The following COA8 variants were observed in gnomAD, a reference collection of about 807,000 sequenced individuals.
The protein encoded by COA8 is cytochrome c oxidase assembly factor 8.
In COA8, 20 loss-of-function variants were observed where a neutral mutation model predicts 22.0. The ratio of observed to expected loss-of-function variants is 0.91; its 90% CI spans 0.64 to 1.32. COA8 has a LOEUF of 1.32. COA8 is among the 40% of genes most tolerant of loss of function. COA8 has a pLI of 0.00. For synonymous variants in COA8, 105 were observed against 79.9 expected (o/e 1.31, Z -1.68); for missense variants, 266 against 230.0 (o/e 1.16, Z -1.01).
intron 3 of COA8, among the ~76,000 whole-genome samples, chr14:103,577,082 AT>A (rs1397765390): frequency 1.3e-5 from 2 of 152,120 alleles, no homozygotes; most frequent in Admixed American, 6.6e-5. Flanking sequence ...ATATTTGTTT[AT>A]TTTTTTGAGA....
rs561702478 is a variant in COA8, at chr14:103,564,571, C to CTTTTTT, written c.123+1468_123+1473dup. Among the ~76,000 whole-genome samples the CTTTTTT allele has an allele frequency of 1.6e-4, 15 of 91,474 alleles. 3 individuals carry two copies. Among genetic ancestry groups the CTTTTTT allele is most frequent in the Admixed American group, 1.2e-4 (1 of 8,692 alleles). 60.0% of individuals were successfully genotyped at this position (91,474 alleles called of 152,430 possible). A position where few individuals can be genotyped will look rare whatever the true frequency, so the allele number is the denominator to read the frequency against. ...GATTTCTCTATTGTCATATACACTT[C>CTTTTTT]TTTTTTTTTTTTTTTTTTTTTTTTT... On this transcript the variant is annotated intron_variant, in intron 1 of 4. Transcript: ENST00000409074.
Position 103,562,994 on chromosome 14 carries a change from G to A in COA8, c.-8G>A, listed in dbSNP as rs1301344977. The A allele has an allele frequency of 1.3e-6, 2 of 1,549,676 alleles. No homozygotes were observed. Among genetic ancestry groups the A allele is most frequent in the South Asian group, 1.2e-5 (1 of 85,838 alleles). Reference sequence around the variant, plus strand: ...CCGTGCGCCGCGGGAGCCAGGGGGCGTGGGGCCATGGTGGTCTTGCGGGCG... The same window carrying A: ...CCGTGCGCCGCGGGAGCCAGGGGGCATGGGGCCATGGTGGTCTTGCGGGCG... On this transcript the variant is annotated 5_prime_UTR_variant, in exon 1 of 5. It adds an upstream start codon to the 5' untranslated region. Transcript: ENST00000409074.
chr14:103,571,197 C>T (rs1486090322), intron 1 of COA8, among the ~76,000 whole-genome samples: 2 of 152,070 alleles, frequency 1.3e-5, no homozygotes, highest in Non-Finnish European at 2.9e-5. Context: ...GAAACCCCAT[C>T]TCCACTAAAA....
At chr14:103,574,304 C>A in intron 3 of COA8, 134 bp downstream of exon 3, 2 of 1,191,432 alleles carry the variant, frequency 1.7e-6, no homozygotes, top group Non-Finnish European at 2.5e-6. Flanking sequence ...CAGTGCTCGG[C>A]ACACCCCTGT....
At chr14:103,565,473 C>T (rs1395866418) in intron 1 of COA8, among the ~76,000 whole-genome samples, 2 of 151,996 alleles carry the variant, frequency 1.3e-5, no homozygotes, top group Non-Finnish European at 2.9e-5. Context: ...AACTTGTTTG[C>T]ACGTAAGAAT....
intron 1 of COA8, 83 bp downstream of exon 1, chr14:103,563,207 C>G (rs959448673): frequency 6.7e-6 from 10 of 1,497,918 alleles, no homozygotes; most frequent in Non-Finnish European, 8.1e-6. Context: ...ACTCCCTGTT[C>G]TGCACAGCCG....
At chr14:103,576,993 T>C (rs1342764157) in intron 3 of COA8, among the ~76,000 whole-genome samples, 1 of 152,096 alleles carries the variant, frequency 6.6e-6, no homozygotes, top group African/African-American at 2.4e-5. Context: ...CCACAAATAC[T>C]CAGAAATAAC....
intron 2 of COA8, 50 bp from the exon 3 acceptor site, chr14:103,574,057 A>G (rs763402953): frequency 8.6e-6 from 13 of 1,514,208 alleles, no homozygotes; most frequent in Middle Eastern, 2.3e-4. Context: ...ATGGAAAGAC[A>G]GAGAAAGGAG....
chr14:103,578,407 A>G (rs145212592), intron 3 of COA8, among the ~76,000 whole-genome samples: 1 of 152,362 alleles, frequency 6.6e-6, no homozygotes, highest in East Asian at 1.9e-4. Context: ...AAGCAGCAGA[A>G]TACTGTGATT....
At position 103,581,729 on chromosome 14, in the gene COA8, A is replaced by G; in HGVS notation, c.386-5545A>G. The G allele has an allele frequency of 2.5e-6, 1 of 397,958 alleles. No individual in the cohort carries two copies. The highest frequency in any genetic ancestry group is 2.1e-5 in the African/African-American group (1 of 48,742). 24.7% of individuals were successfully genotyped at this position (397,958 alleles called of 1,614,324 possible). A position where few individuals can be genotyped will look rare whatever the true frequency, so the allele number is the denominator to read the frequency against. ...GTAGGAAATGGCAGAACTGAAGGGA[A>G]AAGCAGAGCAGGGGGCTGTAGAGTT... On this transcript the variant is annotated intron_variant, in intron 3 of 4. Coordinates refer to ENST00000409074, the MANE Select transcript of COA8 (RefSeq NM_001370595.2). The surrounding 1 kb of genome is among the most constrained non-coding windows in gnomAD (Gnocchi z 4.1).
At position 103,587,297 on chromosome 14, in the gene COA8, G is replaced by C. The variant is rs758818892; in HGVS notation, c.409G>C (p.Glu137Gln). 3.8e-5 allele frequency: 62 copies of C among 1,613,488 alleles called. 1 individual carries two copies. In the Middle Eastern group the frequency reaches 6.6e-4, roughly 17 times the overall value. ...AGGTCAGAAAGCAACATTGAATGCA[G>C]AAGAAATGGCGGACTTCTACAAGGA... ...ESGQKATLNAEEMADFYKEFL... is the reference protein window; with the variant it reads ...ESGQKATLNAQEMADFYKEFL... The change falls in exon 4 of 5, where the codon GAA (glutamate) becomes CAA (glutamine). Residue 137 changes from glutamate to glutamine, a missense_variant. Glu to Gln is a conservative substitution (Grantham distance 29). Coordinates refer to ENST00000409074, the MANE Select transcript of COA8 (RefSeq NM_001370595.2).
chr14:103,573,983 T>C, intron 2 of COA8, 124 bp from the exon 3 acceptor site: 1 of 1,259,866 alleles, frequency 7.9e-7, no homozygotes, highest in Non-Finnish European at 1.1e-6. Flanking sequence ...GGTCACTAGC[T>C]TCTCAGAAAA....
At chr14:103,566,016 A>G (rs1168236583) in intron 1 of COA8, among the ~76,000 whole-genome samples, 1 of 152,160 alleles carries the variant, frequency 6.6e-6, no homozygotes, top group Non-Finnish European at 1.5e-5. Flanking sequence ...GACTGGTAGA[A>G]CCTACAAGTC....
intron 1 of COA8, among the ~76,000 whole-genome samples, chr14:103,568,021 G>A (rs919584153): frequency 2.6e-5 from 4 of 152,136 alleles, no homozygotes; most frequent in Non-Finnish European, 5.9e-5. Context: ...ATGTAGAATA[G>A]GGGGCTGGGG....
intron 4 of COA8, among the ~76,000 whole-genome samples, chr14:103,588,721 GTA>G (rs1458200470): frequency 6.6e-6 from 1 of 151,894 alleles, no homozygotes; most frequent in African/African-American, 2.4e-5. Context: ...GTGTGCACCT[GTA>G]ATCCCAGCTA....
chr14:103,572,440 A>G (rs2076194822), intron 2 of COA8, among the ~76,000 whole-genome samples: 1 of 152,096 alleles, frequency 6.6e-6, no homozygotes, highest in Admixed American at 6.5e-5. Context: ...TTATGAGAAT[A>G]CCGGTTTTTT....
At chr14:103,585,449 A>C (rs929146814) in intron 3 of COA8, among the ~76,000 whole-genome samples, 7 of 147,304 alleles carry the variant, frequency 4.8e-5, no homozygotes, top group Non-Finnish European at 1.0e-4. Flanking sequence ...ATTGCACTCC[A>C]GCCTGGGCAA....
At chr14:103,568,927 C>T (rs764206786) in intron 1 of COA8, among the ~76,000 whole-genome samples, 19 of 152,012 alleles carry the variant, frequency 1.2e-4, no homozygotes, top group Middle Eastern at 3.2e-3. Context: ...CCACCGCGCC[C>T]GGCTGAAAAA....
intron 1 of COA8, among the ~76,000 whole-genome samples, chr14:103,566,634 A>G (rs2076136936): frequency 6.6e-6 from 1 of 152,230 alleles, no homozygotes; most frequent in Admixed American, 6.5e-5. Context: ...ACATGCACAG[A>G]TGGCTCTCCA....
Sources: gnomAD v4.1 joint callset for allele counts (sites outside exome capture counted in the v4.1 genomes callset) on GRCh38, gnomAD v4.1.1 for gene constraint, Gnocchi (gnomAD v3.1) non-coding constraint, MANE v1.5 for transcripts, NCBI Gene and HGNC (gene_info 2026-07-23, HGNC 2026-07-21) for gene names.